Variants in VEZT observed in about 807,000 individuals in gnomAD.
The protein encoded by VEZT is vezatin.
A neutral mutation model predicts 79.9 loss-of-function variants in VEZT; 39 were observed. The ratio of observed to expected loss-of-function variants is 0.49; its 90% confidence interval spans 0.38 to 0.64. The LOEUF is 0.64. Among genes scored for constraint, VEZT ranks in the 30% least tolerant of loss-of-function variants. The probability of loss-of-function intolerance (pLI) is 0.00; values close to 1 mark genes in which losing one functional copy is unlikely to be tolerated. For missense variants in VEZT, 837 were observed against 893.1 expected, an observed-to-expected ratio of 0.94 and a Z score of 0.80; for synonymous variants, 325 against 327.6, an observed-to-expected ratio of 0.99 and a Z score of 0.09.
intron 1 of VEZT, among the ~76,000 whole-genome samples, chr12:95,232,356 C>T (rs558158871): frequency 2.6e-5 from 4 of 152,254 alleles, no homozygotes; most frequent in African/African-American, 9.6e-5. Flanking sequence ...ATGTAGAGAA[C>T]ACTTTTTTTC....
intron 1 of VEZT, among the ~76,000 whole-genome samples, chr12:95,235,008 A>G (rs2059829508): frequency 1.3e-5 from 2 of 151,974 alleles, no homozygotes; most frequent in South Asian, 2.1e-4. Flanking sequence ...CCAAGGCAGA[A>G]GAATTTTTCT....
intron 1 of VEZT, among the ~76,000 whole-genome samples, chr12:95,221,480 G>A (rs577284948): frequency 6.6e-6 from 1 of 151,888 alleles, no homozygotes; most frequent in South Asian, 2.1e-4. Flanking sequence ...CATGAGAATC[G>A]CTTGAACCCA....
intron 9 of VEZT, among the ~76,000 whole-genome samples, chr12:95,289,246 T>C (rs1372035387): frequency 6.6e-5 from 10 of 150,760 alleles, no homozygotes; most frequent in Non-Finnish European, 1.3e-4. Flanking sequence ...TGAAACCCTG[T>C]CTCTACTAAA....
intron 6 of VEZT, among the ~76,000 whole-genome samples, chr12:95,273,922 A>G (rs2067126163): frequency 6.6e-6 from 1 of 152,192 alleles, no homozygotes; most frequent in Non-Finnish European, 1.5e-5. Flanking sequence ...ATTAAAAGGA[A>G]AAATCATTAT....
intron 4 of VEZT, among the ~76,000 whole-genome samples, chr12:95,263,431 C>A (rs1344033543): frequency 1.3e-5 from 2 of 152,128 alleles, no homozygotes; most frequent in African/African-American, 2.4e-5. Flanking sequence ...GGTAGGATTG[C>A]TTAAGGCCAA....
At chr12:95,227,470 A>T (rs1026039026) in intron 1 of VEZT, among the ~76,000 whole-genome samples, 20 of 151,442 alleles carry the variant, frequency 1.3e-4, no homozygotes, top group Admixed American at 1.1e-3. Context: ...CCTCCCAAGT[A>T]GCTGGGATTA....
intron 1 of VEZT, among the ~76,000 whole-genome samples, chr12:95,239,820 C>G (rs2060648195): frequency 6.6e-6 from 1 of 152,046 alleles, no homozygotes; most frequent in Non-Finnish European, 1.5e-5. Context: ...GGTGTGGTGG[C>G]ACATGCCTTT....
intron 7 of VEZT, among the ~76,000 whole-genome samples, 158 bp downstream of exon 7, chr12:95,275,047 A>G (rs546255397): frequency 6.6e-6 from 1 of 152,314 alleles, no homozygotes; most frequent in African/African-American, 2.4e-5. Flanking sequence ...TGTCTTTAAG[A>G]GCCGAGAGCA....
intron 8 of VEZT, among the ~76,000 whole-genome samples, chr12:95,285,011 G>T (rs556517389): frequency 6.7e-6 from 1 of 150,286 alleles, no homozygotes; most frequent in Non-Finnish European, 1.5e-5. Flanking sequence ...GTGTGAACCC[G>T]GCAGGTGGAG....
At chr12:95,259,818 T>C (rs2138243914) in intron 3 of VEZT, among the ~76,000 whole-genome samples, 1 of 152,356 alleles carries the variant, frequency 6.6e-6, no homozygotes, top group South Asian at 2.1e-4. Flanking sequence ...TTTCTGGTAG[T>C]TTGATTGTTA....
intron 8 of VEZT, chr12:95,286,371 A>T (rs2070873682): frequency 2.0e-6 from 1 of 488,878 alleles, no homozygotes; most frequent in Admixed American, 2.5e-5. Flanking sequence ...CAATTTGAGG[A>T]TACTTCATAT....
chr12:95,289,439 A>AAAAG (rs1267649768), intron 9 of VEZT, among the ~76,000 whole-genome samples: 14 of 150,428 alleles, frequency 9.3e-5, no homozygotes, highest in Admixed American at 6.7e-4. Flanking sequence ...AAAAAAAAAA[A>AAAAG]AAAGAAAGAT....
chr12:95,284,661 C>T (rs1183778121), intron 8 of VEZT, among the ~76,000 whole-genome samples: 2 of 152,160 alleles, frequency 1.3e-5, no homozygotes, highest in Non-Finnish European at 2.9e-5. Flanking sequence ...TGCCTTTTCC[C>T]ATGGTCCTTC....
intron 11 of VEZT, among the ~76,000 whole-genome samples, chr12:95,297,505 C>A (rs1340420261): frequency 6.6e-6 from 1 of 152,020 alleles, no homozygotes; most frequent in African/African-American, 2.4e-5. Context: ...TAGCCCAGGT[C>A]CTCAGTAGAT....
At chr12:95,252,597 A>G (rs1002750582) in intron 2 of VEZT, among the ~76,000 whole-genome samples, 3 of 152,164 alleles carry the variant, frequency 2.0e-5, no homozygotes, top group African/African-American at 4.8e-5. Context: ...TACTAGAAAA[A>G]TCTCCATTAA....
intron 4 of VEZT, among the ~76,000 whole-genome samples, 163 bp from the exon 5 acceptor site, chr12:95,266,194 C>T (rs1664754333): frequency 6.6e-6 from 1 of 152,226 alleles, no homozygotes; most frequent in South Asian, 2.1e-4. Flanking sequence ...TCTTTCACAT[C>T]ACCTTCTTAA....
intron 1 of VEZT, chr12:95,243,902 A>G (rs931962832): frequency 4.4e-6 from 2 of 454,382 alleles, no homozygotes; most frequent in African/African-American, 2.0e-5. Context: ...CTTTGCACAT[A>G]CCCACTCCCG....
At chr12:95,263,159 C>T (rs1457351901) in intron 4 of VEZT, 78 bp downstream of exon 4, 2 of 1,274,508 alleles carry the variant, frequency 1.6e-6, no homozygotes, top group African/African-American at 1.5e-5. Flanking sequence ...TTGTGCTCTC[C>T]ATTGTAAAGG....
intron 11 of VEZT, 176 bp from the exon 12 acceptor site, chr12:95,299,989 C>T (rs1159679175): frequency 7.3e-6 from 3 of 412,356 alleles, no homozygotes; most frequent in Admixed American, 8.6e-5. Context: ...GGCATTTTCT[C>T]TCTTATAAAG....
Sources: gnomAD v4.1 joint callset for allele counts (sites outside exome capture counted in the v4.1 genomes callset) on GRCh38, gnomAD v4.1.1 for gene constraint, MANE v1.5 for transcripts, NCBI Gene and HGNC (gene_info 2026-07-23, HGNC 2026-07-21) for gene names.